The following LDB1 variants were observed in gnomAD, a reference collection of about 807,000 sequenced individuals.
LDB1 encodes LIM domain binding 1.
In LDB1, 6 loss-of-function variants were observed where a neutral mutation model predicts 49.7. That is an observed-to-expected ratio of 0.12 (90% CI 0.07 to 0.24). The LOEUF (loss-of-function observed/expected upper bound fraction) is 0.24, where lower values mean the gene tolerates loss of function less well. LDB1 is among the 10% of genes least tolerant of loss of function. The probability of loss-of-function intolerance (pLI) is 1.00; values close to 1 mark genes in which losing one functional copy is unlikely to be tolerated. For synonymous variants in LDB1, 233 were observed against 202.0 expected (o/e 1.15, Z -1.30); for missense variants, 341 against 561.7 (o/e 0.61, Z 3.97).
chr10:102,115,100 C>T (rs568747762), intron 1 of LDB1: 3 of 152,344 alleles, frequency 2.0e-5, no homozygotes, highest in Admixed American at 2.0e-4. Flanking sequence ...GAGGCTGGGA[C>T]GGAGGGACTG....
chr10:102,110,360 T>C (rs1564912421), intron 6 of LDB1, 169 bp downstream of exon 6: 4 of 712,042 alleles, frequency 5.6e-6, no homozygotes, highest in Non-Finnish European at 4.6e-6. Context: ...AACTATCCCA[T>C]ACAAACACAA....
At position 102,108,009 on chromosome 10, in the gene LDB1, G is replaced by T; in HGVS notation, c.*84C>A. Reference sequence around the variant, plus strand: ...GGAGGCTGCCCATTTTAGATGCTCAGTCTCTTCATTCTGTCTTCTGCTCCC... The same window carrying T: ...GGAGGCTGCCCATTTTAGATGCTCATTCTCTTCATTCTGTCTTCTGCTCCC... On this transcript the variant is annotated 3_prime_UTR_variant, in exon 11 of 11. Coordinates refer to ENST00000673968, the MANE Select transcript of LDB1 (RefSeq NM_001113407.3). 1.9e-6 allele frequency: 2 copies of T among 1,080,490 alleles called. No individual in the cohort carries two copies. Among genetic ancestry groups the T allele is most frequent in the Admixed American group, 1.8e-5 (1 of 56,184 alleles). 66.9% of individuals were successfully genotyped at this position (1,080,490 alleles called of 1,614,324 possible).
At position 102,120,196 on chromosome 10, in the gene LDB1, G is replaced by A. The variant is rs1263295824; in HGVS notation, c.-86C>T. 11 of 1,070,274 alleles carry A rather than the reference G, an allele frequency of 1.0e-5. No individual in the cohort carries two copies. The highest frequency in any genetic ancestry group is 1.1e-5 in the Non-Finnish European group (10 of 884,144). 66.3% of individuals were successfully genotyped at this position (1,070,274 alleles called of 1,614,324 possible). A position where few individuals can be genotyped will look rare whatever the true frequency, so the allele number is the denominator to read the frequency against. On this transcript the variant is annotated 5_prime_UTR_variant, in exon 1 of 11. Coordinates refer to ENST00000673968, the MANE Select transcript of LDB1 (RefSeq NM_001113407.3). ...AGGCCGGGCATGAGCCGCCGCCGCCGCCCGCGGCCCCCGCTGCGCTCGCCG... is the reference window on the plus strand; with the variant it reads ...AGGCCGGGCATGAGCCGCCGCCGCCACCCGCGGCCCCCGCTGCGCTCGCCG...
At position 102,117,235 on chromosome 10, in the gene LDB1, T is replaced by A. The variant is rs1308230563; in HGVS notation, c.25+2851A>T. ...AGGGCCCTCCAGTCTCGCTGTGGGGTGGAGGGGCCCCTAAATGCCAAGATG... is the reference window on the plus strand; with the variant it reads ...AGGGCCCTCCAGTCTCGCTGTGGGGAGGAGGGGCCCCTAAATGCCAAGATG... On this transcript the variant is annotated intron_variant, in intron 1 of 10. Coordinates refer to ENST00000673968, the MANE Select transcript of LDB1 (RefSeq NM_001113407.3). This position sits in a 1 kb window ranked among gnomAD's most constrained non-coding sequence, Gnocchi z 4.2. Among the ~76,000 whole-genome samples, 1 of 152,034 alleles carries A rather than the reference T, an allele frequency of 6.6e-6. No homozygotes were observed. The highest frequency in any genetic ancestry group is 1.5e-5 in the Non-Finnish European group (1 of 67,992).
intron 4 of LDB1, 36 bp from the exon 5 acceptor site, chr10:102,111,007 A>C: frequency 3.1e-6 from 5 of 1,611,668 alleles, no homozygotes; most frequent in Non-Finnish European, 4.2e-6. Context: ...ATGTGTCATA[A>C]GATATCCCAT....
intron 1 of LDB1, among the ~76,000 whole-genome samples, chr10:102,112,425 G>C (rs1186393344): frequency 1.3e-5 from 2 of 152,140 alleles, no homozygotes; most frequent in South Asian, 4.1e-4. Context: ...GACCAAAGTG[G>C]GGGAGGAAAA....
In LDB1 at chr10:102,117,937, T is replaced by C. The variant is rs150996028; in HGVS notation, c.25+2149A>G. Reference sequence around the variant, plus strand: ...CGCTCTGGCTTCCCTCAGTCACATGTGTGGGGCATGTGCTGTCTCTGCCGG... The same window carrying C: ...CGCTCTGGCTTCCCTCAGTCACATGCGTGGGGCATGTGCTGTCTCTGCCGG... On this transcript the variant is annotated intron_variant, in intron 1 of 10. Transcript: ENST00000673968. The surrounding 1 kb of genome is among the most constrained non-coding windows in gnomAD (Gnocchi z 4.2). Among the ~76,000 whole-genome samples, 11 of 152,216 alleles carry C rather than the reference T, an allele frequency of 7.2e-5. No homozygotes were observed. In the Middle Eastern group the frequency reaches 0.014, roughly 188 times the overall value.
chr10:102,117,762 G>C lies in LDB1; in HGVS notation c.25+2324C>G, dbSNP rs1220350944. Among the ~76,000 whole-genome samples the C allele has an allele frequency of 6.6e-6, 1 of 152,204 alleles. No individual in the cohort carries two copies. Among genetic ancestry groups the C allele is most frequent in the African/African-American group, 2.4e-5 (1 of 41,444 alleles). ...CCTGGCCCCCTCAGCCTCTTGCTCA[G>C]GGTGATGCCCCTTAGTCAGAGGCTC... On this transcript the variant is annotated intron_variant, in intron 1 of 10. Coordinates refer to ENST00000673968, the MANE Select transcript of LDB1 (RefSeq NM_001113407.3). This position sits in a 1 kb window ranked among gnomAD's most constrained non-coding sequence, Gnocchi z 4.2.
At position 102,107,617 on chromosome 10, in the gene LDB1, A is replaced by T. The variant is rs1037554882; in HGVS notation, c.*476T>A. 1 of 154,696 alleles carries T rather than the reference A, an allele frequency of 6.5e-6. No individual in the cohort carries two copies. Among genetic ancestry groups the T allele is most frequent in the African/African-American group, 2.4e-5 (1 of 41,420 alleles). 9.6% of individuals were successfully genotyped at this position (154,696 alleles called of 1,614,324 possible). ...ATTTTTAAAAAAACTTGGAGCTGGG[A>T]TAAGTGGCAGCAGGGAGGAGGGGCC... On this transcript the variant is annotated 3_prime_UTR_variant, in exon 11 of 11. Transcript: ENST00000673968.
intron 1 of LDB1, among the ~76,000 whole-genome samples, chr10:102,112,626 T>C (rs1476758032): frequency 2.2e-5 from 3 of 133,400 alleles, no homozygotes; most frequent in Admixed American, 8.0e-5. Flanking sequence ...GTAGACAGTA[T>C]TGTCTCCAAA....
At chr10:102,112,811 G>A (rs548696032) in intron 1 of LDB1, among the ~76,000 whole-genome samples, 161 of 152,296 alleles carry the variant, frequency 1.1e-3, no homozygotes, top group African/African-American at 3.4e-3. Flanking sequence ...GGTCTCACTA[G>A]TGTGTATCTG....
chr10:102,114,339 T>A (rs2068300408), intron 1 of LDB1: 1 of 986,010 alleles, frequency 1.0e-6, no homozygotes, highest in Non-Finnish European at 1.2e-6. Context: ...AGCCCGCAGA[T>A]CAGGCCCGGG....
chr10:102,113,286 T>C (rs1446833861), intron 1 of LDB1, among the ~76,000 whole-genome samples: 3 of 152,192 alleles, frequency 2.0e-5, no homozygotes, highest in African/African-American at 7.2e-5. Flanking sequence ...TGCCTCATCC[T>C]GCCTAGCAGG....
chr10:102,110,092 T>C (rs1317034408), intron 6 of LDB1, 49 bp from the exon 7 acceptor site: 5 of 1,573,064 alleles, frequency 3.2e-6, no homozygotes, highest in Non-Finnish European at 4.3e-6. Flanking sequence ...ATACCATACC[T>C]GAAGGTATGT....
Position 102,107,943 on chromosome 10 carries a change from C to T in LDB1, c.*150G>A. 1 of 721,646 alleles carries T rather than the reference C, an allele frequency of 1.4e-6. No homozygotes were observed. The allele number at this position is 721,646 out of a possible 1,614,324, so 44.7% of individuals were successfully genotyped here. ...CCACTGGGGGGGCAAATCTTGGCAC[C>T]TGCCCCCAGAGAGTCCAGTTCCTCC... On this transcript the variant is annotated 3_prime_UTR_variant, in exon 11 of 11. Coordinates refer to ENST00000673968, the MANE Select transcript of LDB1 (RefSeq NM_001113407.3).
chr10:102,116,578 G>T (rs1193646525), intron 1 of LDB1, among the ~76,000 whole-genome samples: 2 of 152,028 alleles, frequency 1.3e-5, no homozygotes, highest in South Asian at 4.1e-4. Context: ...CCTATGACAC[G>T]CATCCTGACC....
In LDB1 at chr10:102,117,863, G is replaced by A. The variant is rs1371013150; in HGVS notation, c.25+2223C>T. ...CAATATGGGTGTTGGGCATGTGTATGTGTGTATCTTGTGGTGCTTCTGCGT... is the reference window on the plus strand; with the variant it reads ...CAATATGGGTGTTGGGCATGTGTATATGTGTATCTTGTGGTGCTTCTGCGT... On this transcript the variant is annotated intron_variant, in intron 1 of 10. Transcript: ENST00000673968. This position sits in a 1 kb window ranked among gnomAD's most constrained non-coding sequence, Gnocchi z 4.2. 6.6e-6 allele frequency among the ~76,000 whole-genome samples: 1 copy of A among 152,338 alleles called. No homozygotes were observed. Among genetic ancestry groups the A allele is most frequent in the East Asian group, 1.9e-4 (1 of 5,190 alleles).
In LDB1 at chr10:102,111,300, G is replaced by A; in HGVS notation, c.129C>T (p.Gly43=). Residue 43 remains glycine, a splice_region_variant and synonymous_variant, in exon 3 of 11, where the codon GGC becomes GGT. Transcript: ENST00000673968. ...ATGTAGGCGGATACATGGGAGTTGGGCTGTGTAAAGGAAGAGGCTATGAGA... is the reference window on the plus strand; with the variant it reads ...ATGTAGGCGGATACATGGGAGTTGGACTGTGTAAAGGAAGAGGCTATGAGA... ...HPGTMLDRDV[G]PTPMYPPTYL... 1 of 1,614,098 alleles carries A rather than the reference G, an allele frequency of 6.2e-7. No homozygotes were observed. Among genetic ancestry groups the A allele is most frequent in the Middle Eastern group, 1.6e-4 (1 of 6,062 alleles).
chr10:102,102,277 A>T (rs552056539), downstream of LDB1, among the ~76,000 whole-genome samples: 5 of 152,266 alleles, frequency 3.3e-5, 1 homozygote, highest in South Asian at 6.2e-4. Flanking sequence ...CAATGATGAG[A>T]GTGTGTCATG....
Sources: allele counts gnomAD v4.1 joint callset (sites outside exome capture counted in the v4.1 genomes callset), GRCh38; gene constraint gnomAD v4.1.1; non-coding constraint Gnocchi (gnomAD v3.1); transcripts MANE v1.5; gene names NCBI Gene and HGNC (gene_info 2026-07-23, HGNC 2026-07-21).